The following CYP39A1 variants were observed in gnomAD, a reference collection of about 807,000 sequenced individuals.
The protein encoded by CYP39A1 is cytochrome P450 family 39 subfamily A member 1, also known as 24-hydroxycholesterol 7-alpha-hydroxylase.
Under a neutral mutation model 58.1 loss-of-function variants are expected in CYP39A1, and 49 were observed. The ratio of observed to expected loss-of-function variants is 0.84; its 90% CI spans 0.67 to 1.07. The LOEUF is 1.07. Ranked by LOEUF, CYP39A1 falls within the 50% of genes least tolerant of loss-of-function variation. The pLI is 0.00. For missense variants in CYP39A1, 531 were observed against 539.4 expected, an observed-to-expected ratio of 0.98 and a Z score of 0.16; for synonymous variants, 209 against 187.6, an observed-to-expected ratio of 1.11 and a Z score of -0.93.
At chr6:46,593,429 T>A (rs1178304688) in intron 8 of CYP39A1, among the ~76,000 whole-genome samples, 1 of 152,112 alleles carries the variant, frequency 6.6e-6, no homozygotes, top group Non-Finnish European at 1.5e-5. Flanking sequence ...TAGGTTGTAG[T>A]GAGCTGAGAT....
At chr6:46,586,095 C>T (rs547704544) in intron 10 of CYP39A1, among the ~76,000 whole-genome samples, 2 of 152,200 alleles carry the variant, frequency 1.3e-5, no homozygotes, top group South Asian at 4.2e-4. Flanking sequence ...CCATGATTGG[C>T]TATGACTGAT....
rs187848246 is a variant in CYP39A1 at position 46,591,734 on chromosome 6, A to T, written c.1066-3605T>A. 1.7e-4 allele frequency among the ~76,000 whole-genome samples: 26 copies of T among 152,002 alleles called. No individual in the cohort carries two copies. In the East Asian group the frequency reaches 3.9e-3, roughly 23 times the overall value. ...TTGAGAACTTCTACTTAAGAAGTTTAAAAAAAACCCACTTTTAGTCAGTCA... is the reference window on the plus strand; with the variant it reads ...TTGAGAACTTCTACTTAAGAAGTTTTAAAAAAACCCACTTTTAGTCAGTCA... On this transcript the variant is annotated intron_variant, in intron 8 of 11. Coordinates refer to ENST00000275016, the MANE Select transcript of CYP39A1 (RefSeq NM_016593.5).
intron 10 of CYP39A1, among the ~76,000 whole-genome samples, chr6:46,570,472 T>C (rs1475034734): frequency 6.6e-6 from 1 of 152,186 alleles, no homozygotes; most frequent in Admixed American, 6.6e-5. Context: ...TATCACTATA[T>C]ACTTCCCCCT....
intron 10 of CYP39A1, among the ~76,000 whole-genome samples, chr6:46,555,298 G>C (rs541456232): frequency 2.0e-5 from 3 of 152,170 alleles, no homozygotes; most frequent in Non-Finnish European, 4.4e-5. Flanking sequence ...TGTCCTCCAG[G>C]CTGTAGTGCC....
intron 1 of CYP39A1, among the ~76,000 whole-genome samples, chr6:46,647,245 T>C (rs138822436): frequency 6.6e-6 from 1 of 152,302 alleles, no homozygotes; most frequent in East Asian, 1.9e-4. Context: ...TGGGTTAAAA[T>C]ACAAAGACTC....
At chr6:46,601,836 T>TA (rs1350113559) in intron 7 of CYP39A1, among the ~76,000 whole-genome samples, 2 of 152,032 alleles carry the variant, frequency 1.3e-5, no homozygotes. Context: ...TTACTTATTA[T>TA]TATTATTTCC....
intron 10 of CYP39A1, among the ~76,000 whole-genome samples, chr6:46,573,794 C>G (rs1771716228): frequency 6.6e-6 from 1 of 152,148 alleles, no homozygotes; most frequent in Non-Finnish European, 1.5e-5. Flanking sequence ...AGGCATTTGA[C>G]AGTCTTAACT....
In CYP39A1 at chr6:46,636,492, A is replaced by G; in HGVS notation, c.639-10T>C. ...GGATTTTGACCAGTTTCTACATGAGAAAAAATATATATAGAAATTAATTGG... is the reference window on the plus strand; with the variant it reads ...GGATTTTGACCAGTTTCTACATGAGGAAAAATATATATAGAAATTAATTGG... On this transcript the variant is annotated splice_polypyrimidine_tract_variant and intron_variant, in intron 4 of 11. Coordinates refer to ENST00000275016, the MANE Select transcript of CYP39A1 (RefSeq NM_016593.5). The G allele has an allele frequency of 6.4e-7, 1 of 1,552,642 alleles. No individual in the cohort carries two copies.
intron 10 of CYP39A1, among the ~76,000 whole-genome samples, chr6:46,579,737 A>G (rs1772019796): frequency 6.6e-6 from 1 of 152,074 alleles, no homozygotes; most frequent in East Asian, 1.9e-4. Flanking sequence ...AGCCAAATCA[A>G]GAATGCACTC....
At chr6:46,560,393 T>C (rs1312376030) in intron 10 of CYP39A1, among the ~76,000 whole-genome samples, 1 of 152,188 alleles carries the variant, frequency 6.6e-6, no homozygotes, top group East Asian at 1.9e-4. Context: ...ATATATTCTG[T>C]AGGATGGACT....
chr6:46,652,366 AT>A, intron 1 of CYP39A1, 39 bp downstream of exon 1: 1 of 1,555,334 alleles, frequency 6.4e-7, no homozygotes, highest in Non-Finnish European at 8.7e-7. Context: ...AAAAGAAAGC[AT>A]TGTCTCCTCT....
intron 7 of CYP39A1, among the ~76,000 whole-genome samples, chr6:46,623,325 G>A (rs1775091609): frequency 6.6e-6 from 1 of 151,942 alleles, no homozygotes; most frequent in Admixed American, 6.6e-5. Flanking sequence ...ATTTACTCAG[G>A]GTTCTCCAGA....
intron 1 of CYP39A1, 90 bp downstream of exon 1, chr6:46,652,316 T>A: frequency 7.7e-7 from 1 of 1,290,828 alleles, no homozygotes; most frequent in Non-Finnish European, 1.1e-6. Flanking sequence ...GTTCCCCGTG[T>A]TCTAGCCCTG....
intron 9 of CYP39A1, among the ~76,000 whole-genome samples, chr6:46,587,597 G>A (rs1772549017): frequency 2.6e-5 from 4 of 152,152 alleles, no homozygotes; most frequent in African/African-American, 4.8e-5. Flanking sequence ...GCAGAGAACA[G>A]ACTAAATGAC....
At chr6:46,610,649 T>G (rs1774159564) in intron 7 of CYP39A1, among the ~76,000 whole-genome samples, 1 of 152,128 alleles carries the variant, frequency 6.6e-6, no homozygotes, top group Admixed American at 6.5e-5. Context: ...CTGGTCACAT[T>G]TCTAATAATT....
intron 7 of CYP39A1, among the ~76,000 whole-genome samples, chr6:46,622,867 G>A (rs1431188255): frequency 6.6e-6 from 1 of 152,142 alleles, no homozygotes; most frequent in Non-Finnish European, 1.5e-5. Flanking sequence ...GAACACAAGA[G>A]TAGGCTGAAA....
At chr6:46,597,442 A>G (rs1773235867) in intron 7 of CYP39A1, among the ~76,000 whole-genome samples, 1 of 152,268 alleles carries the variant, frequency 6.6e-6, no homozygotes. Flanking sequence ...TTTAAAGCAG[A>G]TAGGGTTCAC....
chr6:46,625,402 T>G lies in CYP39A1; in HGVS notation c.931+16A>C, dbSNP rs558194533. 1 of 1,566,086 alleles carries G rather than the reference T, an allele frequency of 6.4e-7. No homozygotes were observed. The highest frequency in any genetic ancestry group is 2.3e-5 in the East Asian group (1 of 44,218). ...GCATTATTAGCTGTGTCTTCCTATATAATAAGGTTTAGTACCTGCTTTGCC... is the reference window on the plus strand; with the variant it reads ...GCATTATTAGCTGTGTCTTCCTATAGAATAAGGTTTAGTACCTGCTTTGCC... On this transcript the variant is annotated intron_variant, in intron 7 of 11. Transcript: ENST00000275016.
intron 9 of CYP39A1, 42 bp from the exon 10 acceptor site, chr6:46,587,207 T>C (rs765774350): frequency 2.4e-6 from 3 of 1,252,380 alleles, no homozygotes. Flanking sequence ...CAGCCTTATA[T>C]AAATAAGCTT....
Sources: gnomAD v4.1 joint callset for allele counts (sites outside exome capture counted in the v4.1 genomes callset) on GRCh38, gnomAD v4.1.1 for gene constraint, MANE v1.5 for transcripts, NCBI Gene and HGNC (gene_info 2026-07-23, HGNC 2026-07-21) for gene names.